Variants in GALNT9 observed in about 807,000 individuals in gnomAD.
GALNT9 encodes the protein GalNAc transferase 9.
Under a neutral mutation model 63.1 loss-of-function variants are expected in GALNT9, and 47 were observed. The ratio of observed to expected loss-of-function variants is 0.75; its 90% CI spans 0.59 to 0.95. The LOEUF is 0.95. GALNT9 is among the 40% of genes least tolerant of loss of function. The probability of loss-of-function intolerance (pLI) is 0.00; values close to 1 mark genes in which losing one functional copy is unlikely to be tolerated. For synonymous variants in GALNT9, 396 were observed against 365.7 expected (o/e 1.08, Z -0.94); for missense variants, 829 against 874.8 (o/e 0.95, Z 0.66).
At position 132,219,139 on chromosome 12, in the gene GALNT9, C is replaced by A. The variant is rs187167286; in HGVS notation, c.1078-15449G>T. 3.7e-3 allele frequency among the ~76,000 whole-genome samples: 560 copies of A among 152,286 alleles called. 2 individuals carry two copies. The highest frequency in any genetic ancestry group is 0.012 in the African/African-American group (490 of 41,570). The stretch of plus-strand genomic sequence containing the variant: ...CAATCATCTGTCCCTGAAGCCCTGT[C>A]CCTTGATCGGCAGAACGACACCTGG... On this transcript the variant is annotated intron_variant, in intron 6 of 10. Transcript: ENST00000328957.
intron 2 of GALNT9, among the ~76,000 whole-genome samples, chr12:132,267,791 G>GA (rs1879675105): frequency 6.2e-5 from 3 of 48,588 alleles, no homozygotes; most frequent in African/African-American, 3.1e-4. Flanking sequence ...GCACACACAC[G>GA]CACTCACACG....
At chr12:132,218,142 C>T (rs1877295336) in intron 6 of GALNT9, among the ~76,000 whole-genome samples, 1 of 152,238 alleles carries the variant, frequency 6.6e-6, no homozygotes, top group African/African-American at 2.4e-5. Flanking sequence ...CTTCTTTCAC[C>T]CACTCATCCA....
chr12:132,256,716 T>C (rs1035989076), intron 5 of GALNT9, among the ~76,000 whole-genome samples: 1 of 151,356 alleles, frequency 6.6e-6, no homozygotes, highest in African/African-American at 2.4e-5. Flanking sequence ...GTTTCGGGCC[T>C]TCAGAAGGAG....
chr12:132,218,725 G>A (rs76075034), intron 6 of GALNT9, among the ~76,000 whole-genome samples: 3,637 of 152,286 alleles, frequency 0.024, 151 homozygotes, highest in African/African-American at 0.082. Context: ...ATTCATCAAT[G>A]TCCAACAGGA....
chr12:132,204,287 A>G (rs1227872550), intron 6 of GALNT9, among the ~76,000 whole-genome samples: 1 of 152,064 alleles, frequency 6.6e-6, no homozygotes, highest in Admixed American at 6.5e-5. Flanking sequence ...AAGCAATACC[A>G]GCCTTCCTAT....
intron 3 of GALNT9, among the ~76,000 whole-genome samples, chr12:132,261,494 T>C (rs1879384943): frequency 6.6e-6 from 1 of 152,156 alleles, no homozygotes; most frequent in Non-Finnish European, 1.5e-5. Context: ...GGTGTCCTGA[T>C]GGAGCTCCCT....
chr12:132,291,099 G>A (rs1370138826), intron 1 of GALNT9, among the ~76,000 whole-genome samples: 18 of 36,444 alleles, frequency 4.9e-4, no homozygotes, highest in African/African-American at 1.7e-3. Flanking sequence ...CATCACCCAC[G>A]TCCATAGCAC....
intron 1 of GALNT9, among the ~76,000 whole-genome samples, chr12:132,302,720 G>A (rs1413621781): frequency 6.6e-6 from 1 of 152,246 alleles, no homozygotes; most frequent in Non-Finnish European, 1.5e-5. Context: ...TCCCCAGGAA[G>A]AGGAGTCGGA....
At chr12:132,210,754 T>C (rs1876919511) in intron 6 of GALNT9, among the ~76,000 whole-genome samples, 1 of 151,342 alleles carries the variant, frequency 6.6e-6, no homozygotes, top group Middle Eastern at 3.2e-3. Flanking sequence ...AAAGCCAAAC[T>C]TGCACCAAAA....
chr12:132,243,771 C>G (rs1555237746), intron 6 of GALNT9, among the ~76,000 whole-genome samples: 3 of 152,158 alleles, frequency 2.0e-5, no homozygotes, highest in Non-Finnish European at 4.4e-5. Context: ...GCATTCTGTC[C>G]CTATGAAGGC....
chr12:132,269,757 G>A (rs1941506788), intron 2 of GALNT9, among the ~76,000 whole-genome samples: 1 of 152,248 alleles, frequency 6.6e-6, no homozygotes, highest in South Asian at 2.1e-4. Flanking sequence ...ATCCCGGTGG[G>A]GTGGCACGTG....
At chr12:132,226,022 CCACA>C (rs1877665310) in intron 6 of GALNT9, among the ~76,000 whole-genome samples, 1 of 146,834 alleles carries the variant, frequency 6.8e-6, no homozygotes, top group African/African-American at 2.5e-5. Flanking sequence ...TGTACACACC[CCACA>C]TACACCCCAT....
intron 1 of GALNT9, among the ~76,000 whole-genome samples, chr12:132,323,026 C>T (rs1461770832): frequency 6.6e-6 from 1 of 152,222 alleles, no homozygotes; most frequent in African/African-American, 2.4e-5. Flanking sequence ...CCGGCTTCTC[C>T]ACCTCCTTGT....
At chr12:132,256,210 C>T (rs1879103611) in intron 5 of GALNT9, among the ~76,000 whole-genome samples, 1 of 152,136 alleles carries the variant, frequency 6.6e-6, no homozygotes, top group Non-Finnish European at 1.5e-5. Flanking sequence ...AGGCAGGCCC[C>T]TTCCCTGTGA....
At chr12:132,267,139 A>T (rs1476534014) in intron 2 of GALNT9, among the ~76,000 whole-genome samples, 1 of 152,184 alleles carries the variant, frequency 6.6e-6, no homozygotes, top group African/African-American at 2.4e-5. Context: ...TCTCACAAAA[A>T]AGAAGACACC....
In GALNT9 at chr12:132,290,492, G is replaced by A. The variant is rs186871845; in HGVS notation, c.239-4062C>T. ...CCCAGTCCAGGAATAGACAGCACAGGAGGAGGAAGCAGAGGCAGAAACAGC... is the reference window on the plus strand; with the variant it reads ...CCCAGTCCAGGAATAGACAGCACAGAAGGAGGAAGCAGAGGCAGAAACAGC... On this transcript the variant is annotated intron_variant, in intron 1 of 10. Transcript: ENST00000328957. 3.8e-3 allele frequency among the ~76,000 whole-genome samples: 586 copies of A among 152,272 alleles called. 7 individuals carry two copies. The highest frequency in any genetic ancestry group is 0.013 in the African/African-American group (554 of 41,538).
chr12:132,257,754 G>A lies in GALNT9; in HGVS notation c.894C>T (p.Leu298=). 6.4e-7 allele frequency: 1 copy of A among 1,550,544 alleles called. No homozygotes were observed. The highest frequency in any genetic ancestry group is 8.7e-7 in the Non-Finnish European group (1 of 1,146,846). Residue 298 remains leucine, a synonymous_variant, in exon 5 of 11, where the codon CTC becomes CTT. Transcript: ENST00000328957. ...GCGGGGGGATGATGTACATGCACCAGAGGCCCCAGTTGTAGCCATGGGCGG... is the reference window on the plus strand; with the variant it reads ...GCGGGGGGATGATGTACATGCACCAAAGGCCCCAGTTGTAGCCATGGGCGG... ...ANAAHGYNWG[L]WCMYIIPPQD...
chr12:132,311,067 C>T (rs1479616231), intron 1 of GALNT9, among the ~76,000 whole-genome samples: 1 of 152,190 alleles, frequency 6.6e-6, no homozygotes, highest in Non-Finnish European at 1.5e-5. Context: ...ACTAAGAATA[C>T]TGGATTTAAA....
chr12:132,277,393 C>T (rs1880140672), intron 2 of GALNT9: 1 of 154,944 alleles, frequency 6.5e-6, no homozygotes, highest in Non-Finnish European at 1.5e-5. Context: ...ATTCCTCGCC[C>T]ATGTCCCTGT....
Sources: gnomAD v4.1 joint callset for allele counts (sites outside exome capture counted in the v4.1 genomes callset) on GRCh38, gnomAD v4.1.1 for gene constraint, MANE v1.5 for transcripts, NCBI Gene and HGNC (gene_info 2026-07-23, HGNC 2026-07-21) for gene names.